SCHIP1: variants seen among roughly 807,000 people sequenced by gnomAD.
The protein encoded by SCHIP1 is schwannomin interacting protein 1, also known as schwannomin-interacting protein 1.
Under a neutral mutation model 29.7 loss-of-function variants are expected in SCHIP1, and 8 were observed. The observed-to-expected ratio is 0.27, with a 90% CI of 0.16 to 0.49. The LOEUF is 0.49. SCHIP1 is among the 20% of genes least tolerant of loss of function. SCHIP1 has a pLI of 0.99. For missense variants in SCHIP1, 193 were observed against 294.6 expected, an observed-to-expected ratio of 0.66 and a Z score of 2.52; for synonymous variants, 76 against 94.9, an observed-to-expected ratio of 0.80 and a Z score of 1.16.
upstream of SCHIP1, among the ~76,000 whole-genome samples, chr3:159,839,089 C>T (rs1390291676): frequency 6.6e-6 from 1 of 151,868 alleles, no homozygotes; most frequent in East Asian, 1.9e-4. Context: ...GCCCTGAAGC[C>T]ACTCAGAAAC....
chr3:159,892,110 G>C, exon 6 of SCHIP1: 1 of 1,612,458 alleles, frequency 6.2e-7, no homozygotes, highest in Non-Finnish European at 8.5e-7. Flanking sequence ...TGAATGAAGA[G>C]TTGGTCCAGC....
At chr3:159,364,049 T>C in the SCHIP1 span, among the ~76,000 whole-genome samples, 49 of 152,358 alleles carry the variant, frequency 3.2e-4, no homozygotes, top group African/African-American at 1.1e-3. Context: ...TTTTTCATGT[T>C]ACTGGTTCCA....
the SCHIP1 span, among the ~76,000 whole-genome samples, chr3:159,316,234 C>T: frequency 1.1e-4 from 17 of 152,128 alleles, no homozygotes; most frequent in East Asian, 5.8e-4. Context: ...TTAACTTACA[C>T]GGTCACAAGG....
the SCHIP1 span, among the ~76,000 whole-genome samples, chr3:159,613,066 A>G: frequency 6.6e-5 from 10 of 152,232 alleles, no homozygotes; most frequent in African/African-American, 2.4e-4. Flanking sequence ...TGGTCACATA[A>G]TATGAAGACT....
the SCHIP1 span, among the ~76,000 whole-genome samples, chr3:159,806,534 G>T: frequency 2.0e-5 from 3 of 152,216 alleles, no homozygotes; most frequent in Non-Finnish European, 4.4e-5. Flanking sequence ...TTCAGGATTG[G>T]AGAAACTTTG....
At chr3:159,778,435 A>G in the SCHIP1 span, among the ~76,000 whole-genome samples, 1 of 152,198 alleles carries the variant, frequency 6.6e-6, no homozygotes, top group Admixed American at 6.5e-5. Context: ...TTATATGTCT[A>G]GGATACATTT....
At chr3:159,784,270 T>C in the SCHIP1 span, among the ~76,000 whole-genome samples, 1 of 152,268 alleles carries the variant, frequency 6.6e-6, no homozygotes, top group Admixed American at 6.5e-5. Context: ...AGTCTACACC[T>C]GTTCATCTGG....
the SCHIP1 span, among the ~76,000 whole-genome samples, chr3:159,688,751 A>G: frequency 2.6e-5 from 4 of 152,192 alleles, no homozygotes; most frequent in Non-Finnish European, 4.4e-5. Flanking sequence ...AAAATCTTTA[A>G]TCCATCTTGA....
At chr3:159,681,962 T>G in the SCHIP1 span, among the ~76,000 whole-genome samples, 1 of 152,142 alleles carries the variant, frequency 6.6e-6, no homozygotes, top group Admixed American at 6.5e-5. Flanking sequence ...TAACTTAGGT[T>G]AGCTTGGGTT....
chr3:159,752,486 G>A, the SCHIP1 span, among the ~76,000 whole-genome samples: 1 of 152,092 alleles, frequency 6.6e-6, no homozygotes, highest in Non-Finnish European at 1.5e-5. Flanking sequence ...AAGAAAAGAG[G>A]TTTAATTGGC....
chr3:159,488,828 G>C, the SCHIP1 span, among the ~76,000 whole-genome samples: 1 of 152,220 alleles, frequency 6.6e-6, no homozygotes, highest in Non-Finnish European at 1.5e-5. Flanking sequence ...TCTGGCATCT[G>C]CTTCAGATTT....
At chr3:159,839,431 C>G (rs944643788), upstream of SCHIP1, among the ~76,000 whole-genome samples, 3 of 151,736 alleles carry the variant, frequency 2.0e-5, no homozygotes, top group South Asian at 2.1e-4. Flanking sequence ...TAAAAAGAAG[C>G]TAGGAGCCAA....
chr3:159,508,550 T>C, the SCHIP1 span, among the ~76,000 whole-genome samples: 1 of 152,192 alleles, frequency 6.6e-6, no homozygotes, highest in Non-Finnish European at 1.5e-5. Flanking sequence ...GTTCTTTTAA[T>C]TGTGATGTTA....
At chr3:159,580,094 C>T in the SCHIP1 span, among the ~76,000 whole-genome samples, 1 of 152,120 alleles carries the variant, frequency 6.6e-6, no homozygotes, top group Admixed American at 6.6e-5. Context: ...CATTTCAAAA[C>T]ATTTAAGATT....
chr3:159,452,812 G>A, the SCHIP1 span, among the ~76,000 whole-genome samples: 1 of 147,574 alleles, frequency 6.8e-6, no homozygotes, highest in African/African-American at 2.6e-5. Context: ...ACCAGCAGTT[G>A]TTGTTTCCTG....
the SCHIP1 span, among the ~76,000 whole-genome samples, chr3:159,710,217 T>C: frequency 6.6e-6 from 1 of 152,222 alleles, no homozygotes; most frequent in Non-Finnish European, 1.5e-5. Flanking sequence ...AATTGCTTTT[T>C]TTTTAATACG....
chr3:159,385,002 T>C, the SCHIP1 span, among the ~76,000 whole-genome samples: 2 of 151,832 alleles, frequency 1.3e-5, no homozygotes, highest in Non-Finnish European at 2.9e-5. Flanking sequence ...TCTTCTCTCT[T>C]TTCTTCTTTA....
the SCHIP1 span, among the ~76,000 whole-genome samples, chr3:159,438,393 G>A: frequency 5.9e-5 from 9 of 152,052 alleles, no homozygotes; most frequent in East Asian, 3.9e-4. Flanking sequence ...AAGCTCCTTC[G>A]AAGACCCATC....
At chr3:159,560,819 G>T in the SCHIP1 span, among the ~76,000 whole-genome samples, 1 of 152,152 alleles carries the variant, frequency 6.6e-6, no homozygotes, top group Non-Finnish European at 1.5e-5. Flanking sequence ...CTTGTTGCTT[G>T]CTCATGGGGT....
Sources: allele counts gnomAD v4.1 joint callset (sites outside exome capture counted in the v4.1 genomes callset), GRCh38; gene constraint gnomAD v4.1.1; transcripts MANE v1.5; gene names NCBI Gene and HGNC (gene_info 2026-07-23, HGNC 2026-07-21).